The following PTPRT variants were observed in gnomAD, a reference collection of about 807,000 sequenced individuals.
PTPRT encodes the protein receptor-type tyrosine-protein phosphatase T.
PTPRT carries 56 observed loss-of-function variants against 176.8 expected under a neutral mutation model. The observed-to-expected ratio is 0.32, with a 90% CI of 0.26 to 0.40. The LOEUF (loss-of-function observed/expected upper bound fraction) is 0.40. Ranked by LOEUF, PTPRT falls within the 10% of genes least tolerant of loss-of-function variation. The pLI, the probability that PTPRT is intolerant of heterozygous loss-of-function variation, is 1.00. For synonymous variants in PTPRT, 783 were observed against 739.0 expected (o/e 1.06, Z -0.96); for missense variants, 1,540 against 1,908.2 (o/e 0.81, Z 3.60).
intron 2 of PTPRT, among the ~76,000 whole-genome samples, chr20:42,807,603 T>C (rs2077630366): frequency 6.6e-6 from 1 of 152,268 alleles, no homozygotes; most frequent in Middle Eastern, 3.4e-3. Flanking sequence ...TGCCCCACTT[T>C]TCCCTTGTCC....
chr20:42,577,923 C>CTGTGTGTGTGTGTGTG (rs777761268), intron 7 of PTPRT, among the ~76,000 whole-genome samples: 1 of 111,270 alleles, frequency 9.0e-6, no homozygotes, highest in Non-Finnish European at 1.8e-5. Flanking sequence ...CTGAGCGAGG[C>CTGTGTGTGTGTGTGTG]TGTGTGTGTG....
At chr20:42,106,178 A>AGAAAGAATGTATG (rs1291040638) in intron 24 of PTPRT, among the ~76,000 whole-genome samples, 1 of 152,222 alleles carries the variant, frequency 6.6e-6, no homozygotes, top group Non-Finnish European at 1.5e-5. Flanking sequence ...TACCGTGACT[A>AGAAAGAATGTATG]GAAAGAATGT....
chr20:42,438,470 C>A (rs1202007857), intron 9 of PTPRT, among the ~76,000 whole-genome samples: 1 of 152,134 alleles, frequency 6.6e-6, no homozygotes, highest in South Asian at 2.1e-4. Context: ...TCTCTGATAT[C>A]TCTGTCAGTT....
At chr20:42,068,316 G>A (rs1351178735), downstream of PTPRT, among the ~76,000 whole-genome samples, 1 of 152,164 alleles carries the variant, frequency 6.6e-6, no homozygotes, top group Non-Finnish European at 1.5e-5. Flanking sequence ...TGTTCCCATG[G>A]CCGTGGATGA....
intron 7 of PTPRT, among the ~76,000 whole-genome samples, chr20:42,614,561 T>C (rs1002462210): frequency 6.6e-6 from 1 of 152,032 alleles, no homozygotes; most frequent in Non-Finnish European, 1.5e-5. Flanking sequence ...TATTCCCCAC[T>C]GCAGCTTTTT....
At chr20:42,696,629 G>A (rs183150659) in intron 6 of PTPRT, among the ~76,000 whole-genome samples, 1 of 151,874 alleles carries the variant, frequency 6.6e-6, no homozygotes, top group Admixed American at 6.6e-5. Flanking sequence ...CTAATTTTTT[G>A]TATTTTTTGT....
intron 1 of PTPRT, among the ~76,000 whole-genome samples, chr20:43,186,825 T>C (rs1158571569): frequency 6.6e-6 from 1 of 152,220 alleles, no homozygotes; most frequent in African/African-American, 2.4e-5. Context: ...CAACGGTGAT[T>C]ATTGAGTTAA....
At chr20:42,546,916 T>C (rs1231312459) in intron 7 of PTPRT, among the ~76,000 whole-genome samples, 11 of 152,118 alleles carry the variant, frequency 7.2e-5, no homozygotes, top group Non-Finnish European at 1.6e-4. Context: ...ACTTATTACA[T>C]ATCACTGTCA....
intron 7 of PTPRT, among the ~76,000 whole-genome samples, chr20:42,624,454 G>A (rs1319446521): frequency 1.3e-5 from 2 of 152,178 alleles, no homozygotes; most frequent in Non-Finnish European, 2.9e-5. Flanking sequence ...GTAGCCCAAT[G>A]CATTTATTGA....
intron 9 of PTPRT, among the ~76,000 whole-genome samples, chr20:42,411,897 C>T (rs974989572): frequency 6.6e-6 from 1 of 151,888 alleles, no homozygotes; most frequent in African/African-American, 2.4e-5. Context: ...GGAAGCAGTG[C>T]TTAAACAGAT....
At chr20:42,089,395 C>G (rs528933707) in intron 27 of PTPRT, among the ~76,000 whole-genome samples, 2 of 152,270 alleles carry the variant, frequency 1.3e-5, no homozygotes, top group African/African-American at 4.8e-5. Context: ...GGCTGTGATC[C>G]TGACACAAGG....
At position 42,843,598 on chromosome 20, in the gene PTPRT, T is replaced by C. The variant is rs546365465; in HGVS notation, c.214+42209A>G. ...ATTTAGAGTTGAGCAATAGTAAGAA[T>C]ATGGCAGGTGTAATAGGTTGCTATT... On this transcript the variant is annotated intron_variant, in intron 2 of 30. Coordinates refer to ENST00000373187, the MANE Select transcript of PTPRT (RefSeq NM_007050.6). Among the ~76,000 whole-genome samples, 4 of 152,312 alleles carry C rather than the reference T, an allele frequency of 2.6e-5. No homozygotes were observed. In the South Asian group the frequency reaches 8.3e-4, roughly 32 times the overall value.
intron 1 of PTPRT, among the ~76,000 whole-genome samples, chr20:43,090,480 G>C (rs567426128): frequency 6.6e-6 from 1 of 152,202 alleles, no homozygotes; most frequent in African/African-American, 2.4e-5. Flanking sequence ...GTTTTAGCCA[G>C]GATGGTCTTG....
intron 18 of PTPRT, among the ~76,000 whole-genome samples, chr20:42,129,922 G>A (rs1285467765): frequency 6.6e-6 from 1 of 152,198 alleles, no homozygotes. Flanking sequence ...GTACTCAGTA[G>A]TACATGGAAA....
In PTPRT at chr20:42,742,889, A is replaced by G. The variant is rs368508417; in HGVS notation, c.859+13573T>C. On this transcript the variant is annotated intron_variant, in intron 6 of 30. Coordinates refer to ENST00000373187, the MANE Select transcript of PTPRT (RefSeq NM_007050.6). ...TCAGCAACATAAAATGAACAGAGCC[A>G]AGAATGAACCCCAGGTTTGCCTGCT... Among the ~76,000 whole-genome samples, 17 of 152,296 alleles carry G rather than the reference A, an allele frequency of 1.1e-4. No homozygotes were observed. The East Asian group carries it at 1.9e-3, about 17-fold the overall frequency.
chr20:42,785,838 C>A (rs1370731722), intron 3 of PTPRT, among the ~76,000 whole-genome samples: 1 of 152,114 alleles, frequency 6.6e-6, no homozygotes, highest in African/African-American at 2.4e-5. Flanking sequence ...TCCTTTTTCC[C>A]TCCCTCCCTT....
chr20:43,178,125 C>T (rs1292047614), intron 1 of PTPRT, among the ~76,000 whole-genome samples: 1 of 152,208 alleles, frequency 6.6e-6, no homozygotes, highest in Non-Finnish European at 1.5e-5. Flanking sequence ...GAAAACCATA[C>T]ATTTCCTCTT....
chr20:42,173,457 T>C (rs1990159915), intron 16 of PTPRT, among the ~76,000 whole-genome samples: 1 of 152,208 alleles, frequency 6.6e-6, no homozygotes, highest in Non-Finnish European at 1.5e-5. Flanking sequence ...CAAAAAAGGG[T>C]TTCACTATTT....
chr20:42,578,529 C>G (rs984462198), intron 7 of PTPRT, among the ~76,000 whole-genome samples: 2 of 152,134 alleles, frequency 1.3e-5, no homozygotes, highest in South Asian at 2.1e-4. Context: ...CCCAATAAAC[C>G]TGCTCCATCG....
Sources: allele counts gnomAD v4.1 joint callset (sites outside exome capture counted in the v4.1 genomes callset), GRCh38; gene constraint gnomAD v4.1.1; transcripts MANE v1.5; gene names NCBI Gene and HGNC (gene_info 2026-07-23, HGNC 2026-07-21).